TSEN54: variants seen among roughly 807,000 people sequenced by gnomAD.
TSEN54 encodes tRNA-splicing endonuclease subunit Sen54.
A neutral mutation model predicts 61.9 loss-of-function variants in TSEN54; 55 were observed. That is an observed-to-expected ratio of 0.89 (90% CI 0.72 to 1.11). The LOEUF is 1.11. Ranked by LOEUF, TSEN54 falls within the 50% of genes most tolerant of loss-of-function variation. TSEN54 has a pLI of 0.00. For missense variants in TSEN54, 760 were observed against 687.7 expected (o/e 1.11, Z -1.18); for synonymous variants, 304 against 288.7 (o/e 1.05, Z -0.54).
At chr17:75,522,580 C>T (rs1304428812) in intron 8 of TSEN54, 3 of 1,400,536 alleles carry the variant, frequency 2.1e-6, no homozygotes, top group Non-Finnish European at 2.8e-6. Context: ...AAAAGATAAA[C>T]AACATGCATG....
Position 75,524,295 on chromosome 17 carries a change from C to T in TSEN54, c.1464C>T (p.Leu488=), listed in dbSNP as rs565515125. 6.2e-7 allele frequency: 1 copy of T among 1,614,192 alleles called. No homozygotes were observed. The highest frequency in any genetic ancestry group is 1.3e-5 in the African/African-American group (1 of 75,068). Residue 488 remains leucine (L), a synonymous_variant, in exon 11 of 11, where the codon CTC becomes CTT. Transcript: ENST00000333213. The part of the protein sequence containing the change: ...FDEPVPDLCS[L]KRLSYQSGDV... The stretch of plus-strand genomic sequence containing the variant: ...AGCCTGTCCCAGACCTCTGCAGCCT[C>T]AAGCGGTTGTCTTACCAGAGTGGGG...
rs756635517 is a variant in TSEN54, at chr17:75,516,771, T to C, written c.82T>C (p.Ser28Pro). The change falls in exon 2 of 11, where the codon TCG becomes CCG. Residue 28 changes from serine (S) to proline (P), a missense_variant. Ser to Pro is a moderately conservative substitution (Grantham distance 74). Transcript: ENST00000333213. ...CGCCCGGGAGCTCTTCGCCGCCCGC[T>C]CGCGGTCGCAGAAGCTGCCCCAGCG... ...LSARELFAAR[S>P]RSQKLPQRSH... The C allele has an allele frequency of 3.8e-6, 6 of 1,577,486 alleles. No individual in the cohort carries two copies.
chr17:75,521,442 C>T lies in TSEN54; in HGVS notation c.555C>T (p.Asn185=). ...SVLSPYERQL[N]LDASVQHLED... ...TGTCCCCGTATGAGAGGCAGCTTAACCTGGATGCCAGCGTGCAGCACTTGG... is the reference window on the plus strand; with the variant it reads ...TGTCCCCGTATGAGAGGCAGCTTAATCTGGATGCCAGCGTGCAGCACTTGG... The change falls in exon 7 of 11, where the codon AAC becomes AAT. Residue 185 remains asparagine (N), a synonymous_variant. Coordinates refer to ENST00000333213, the MANE Select transcript of TSEN54 (RefSeq NM_207346.3). 1 of 1,614,106 alleles carries T rather than the reference C, an allele frequency of 6.2e-7. No homozygotes were observed. Among genetic ancestry groups the T allele is most frequent in the Non-Finnish European group, 8.5e-7 (1 of 1,180,032 alleles).
At chr17:75,516,646 C>CG (rs2053369399) in intron 1 of TSEN54, 30 bp downstream of exon 1, 8 of 1,234,750 alleles carry the variant, frequency 6.5e-6, no homozygotes, top group Non-Finnish European at 8.1e-6. Flanking sequence ...GAGTGGGTGT[C>CG]GGGGGCGCGG....
intron 8 of TSEN54, chr17:75,522,553 C>T (rs1568003964): frequency 3.5e-6 from 5 of 1,431,224 alleles, no homozygotes; most frequent in Non-Finnish European, 3.7e-6. Flanking sequence ...GGGGTGGAAA[C>T]TATGACCATA....
Position 75,521,714 on chromosome 17 carries a change from TAAG to T in TSEN54, c.637_639del (p.Lys213del), listed in dbSNP as rs794727939. 5.5e-5 allele frequency: 89 copies of T among 1,612,960 alleles called. No individual in the cohort carries two copies. The highest frequency in any genetic ancestry group is 7.4e-5 in the Non-Finnish European group (87 of 1,179,918). ...CCCCCACGTCCCTCAGGTCCATTAA[TAAG>T]AAGGCCAAGGCCCTGGACAACTCCC... On this transcript the variant is annotated inframe_deletion, in exon 8 of 11. Coordinates refer to ENST00000333213, the MANE Select transcript of TSEN54 (RefSeq NM_207346.3).
Position 75,523,928 on chromosome 17 carries a change from C to T in TSEN54, c.1430+149C>T, listed in dbSNP as rs2053465136. ...AGGCTAAGTGACCTACACAAGGCCA[C>T]ACAGCCAGTTTGTGCTGCCCTACTC... is the stretch of plus-strand genomic sequence containing the variant. On this transcript the variant is annotated intron_variant, in intron 10 of 10. Coordinates refer to ENST00000333213, the MANE Select transcript of TSEN54 (RefSeq NM_207346.3). 8.6e-6 allele frequency: 8 copies of T among 932,646 alleles called. 1 individual carries two copies. Among genetic ancestry groups the T allele is most frequent in the South Asian group, 7.0e-5 (5 of 70,960 alleles). The allele number at this position is 932,646 out of a possible 1,614,324, so 57.8% of individuals were successfully genotyped here.
chr17:75,522,984 C>T (rs1271047998), intron 8 of TSEN54: 5 of 410,320 alleles, frequency 1.2e-5, no homozygotes, highest in Non-Finnish European at 1.8e-5. Flanking sequence ...AGTTCGAGAC[C>T]AACCTGGGCA....
At chr17:75,522,951 C>T (rs1292600702) in intron 8 of TSEN54, 18 of 379,654 alleles carry the variant, frequency 4.7e-5, no homozygotes, top group Non-Finnish European at 8.6e-5. Context: ...GAGGCCGAGG[C>T]GGGCAGATCA....
chr17:75,519,924 G>T (rs1328501464), intron 6 of TSEN54, among the ~76,000 whole-genome samples: 1 of 152,112 alleles, frequency 6.6e-6, no homozygotes. Context: ...AATAATCGTG[G>T]ACGTGTACAG....
intron 6 of TSEN54, 144 bp from the exon 7 acceptor site, chr17:75,521,265 G>A (rs1400627552): frequency 2.7e-6 from 2 of 727,470 alleles, no homozygotes; most frequent in East Asian, 2.7e-5. Context: ...CCCCTCATGG[G>A]GGTCTGCTTA....
At chr17:75,521,131 G>A (rs534631806) in intron 6 of TSEN54, among the ~76,000 whole-genome samples, 27 of 152,292 alleles carry the variant, frequency 1.8e-4, no homozygotes, top group East Asian at 9.6e-4. Context: ...GTACATAAAC[G>A]AAAGAAAGAT....
At position 75,521,861 on chromosome 17, in the gene TSEN54, TCTGGGGTCC is replaced by T. The variant is rs773347553; in HGVS notation, c.786_794del (p.Ser263_Gly265del). On this transcript the variant is annotated inframe_deletion, in exon 8 of 11. Transcript: ENST00000333213. Reference sequence around the variant, plus strand: ...AGGGCCCAGGGGGCCCCTTTCAGCTTCTGGGGTCCCTGGGCCCCAGCCCTGGCCCGGCCA... The same window carrying T: ...AGGGCCCAGGGGGCCCCTTTCAGCTTCTGGGCCCCAGCCCTGGCCCGGCCA... 15 of 1,611,646 alleles carry T rather than the reference TCTGGGGTCC, an allele frequency of 9.3e-6. No individual in the cohort carries two copies. In the African/African-American group the frequency reaches 2.0e-4, roughly 22 times the overall value.
chr17:75,521,344 C>A (rs765842948), intron 6 of TSEN54, 65 bp from the exon 7 acceptor site: 3 of 1,375,736 alleles, frequency 2.2e-6, no homozygotes, highest in Non-Finnish European at 3.1e-6. Context: ...TTTCCTTACA[C>A]ATCCCACCAG....
chr17:75,517,778 G>A, intron 5 of TSEN54, 123 bp downstream of exon 5: 1 of 849,908 alleles, frequency 1.2e-6, no homozygotes, highest in South Asian at 1.4e-5. Context: ...CGAGGGCTAT[G>A]CTGTCACGAG....
At chr17:75,523,177 TAA>T (rs879251884) in intron 8 of TSEN54, 96 bp from the exon 9 acceptor site, 6 of 1,350,466 alleles carry the variant, frequency 4.4e-6, no homozygotes, top group Admixed American at 1.8e-5. Flanking sequence ...AGACTCCGTT[TAA>T]AAAAAAAAGT....
intron 6 of TSEN54, among the ~76,000 whole-genome samples, chr17:75,520,059 C>A (rs1465287271): frequency 6.6e-6 from 1 of 152,098 alleles, no homozygotes; most frequent in African/African-American, 2.4e-5. Flanking sequence ...TGAGGAGTCA[C>A]ACAGAACACA....
rs1016467909 is a variant in TSEN54, at chr17:75,521,926, GCAGAGCCGAGA to G, written c.846_856del (p.Ala284SerfsTer6). ...GGGGTGGGGTGCAGCTGGGAGAGTG[GCAGAGCCGAGA>G]ACGGAGTCACGGGAGCCGGTAAGCG... On this transcript the variant is annotated frameshift_variant, in exon 8 of 11. Coordinates refer to ENST00000333213, the MANE Select transcript of TSEN54 (RefSeq NM_207346.3). LOFTEE classifies it high-confidence loss of function. The G allele has an allele frequency of 1.9e-6, 3 of 1,610,206 alleles. No homozygotes were observed. The African/African-American group carries it at 4.0e-5, about 21-fold the overall frequency.
chr17:75,524,096 A>G (rs1169827865), intron 10 of TSEN54, among the ~76,000 whole-genome samples, 166 bp from the exon 11 acceptor site: 2 of 152,148 alleles, frequency 1.3e-5, no homozygotes, highest in East Asian at 1.9e-4. Flanking sequence ...CACCTCCCCA[A>G]CCAGTGCTCT....
Sources: gnomAD v4.1 joint callset for allele counts (sites outside exome capture counted in the v4.1 genomes callset) on GRCh38, gnomAD v4.1.1 for gene constraint, MANE v1.5 for transcripts, NCBI Gene and HGNC (gene_info 2026-07-23, HGNC 2026-07-21) for gene names.